Variants in RMDN2 observed in about 807,000 individuals in gnomAD.
RMDN2 encodes the protein regulator of microtubule dynamics protein 2.
A neutral mutation model predicts 52.8 loss-of-function variants in RMDN2; 61 were observed. The observed-to-expected ratio is 1.16, with a 90% CI of 0.94 to 1.43. The LOEUF (loss-of-function observed/expected upper bound fraction) is 1.43. RMDN2 is among the 40% of genes most tolerant of loss of function. RMDN2 has a pLI of 0.00. For synonymous variants in RMDN2, 180 were observed against 153.1 expected (o/e 1.18, Z -1.30); for missense variants, 592 against 475.3 (o/e 1.25, Z -2.28).
intron 5 of RMDN2, among the ~76,000 whole-genome samples, chr2:37,986,725 T>C (rs1338991685): frequency 2.0e-5 from 3 of 152,062 alleles, no homozygotes; most frequent in African/African-American, 4.8e-5. Context: ...TGACAAAATC[T>C]AACACTCATT....
chr2:37,961,984 A>T (rs912063559), intron 2 of RMDN2, among the ~76,000 whole-genome samples: 4 of 152,116 alleles, frequency 2.6e-5, no homozygotes, highest in Non-Finnish European at 5.9e-5. Flanking sequence ...CTGGGAGTCC[A>T]CTCCAAACAC....
chr2:38,062,795 G>A (rs1682110669), intron 10 of RMDN2, among the ~76,000 whole-genome samples: 2 of 126,718 alleles, frequency 1.6e-5, no homozygotes, highest in Admixed American at 2.1e-4. Context: ...AGTCCCCAGT[G>A]TGTGATGTTC....
At chr2:37,968,613 G>C (rs188861712) in intron 2 of RMDN2, among the ~76,000 whole-genome samples, 114 of 152,224 alleles carry the variant, frequency 7.5e-4, no homozygotes, top group African/African-American at 2.6e-3. Context: ...TCTGCTTTCA[G>C]AGATGCTGTT....
intron 10 of RMDN2, among the ~76,000 whole-genome samples, chr2:38,057,465 T>C (rs553451432): frequency 3.3e-5 from 5 of 152,352 alleles, no homozygotes; most frequent in South Asian, 2.1e-4. Flanking sequence ...TCACAAGCTA[T>C]GGAAAATGGG....
At chr2:37,950,920 A>G (rs1050764665) in intron 2 of RMDN2, among the ~76,000 whole-genome samples, 2 of 151,970 alleles carry the variant, frequency 1.3e-5, no homozygotes, top group Non-Finnish European at 2.9e-5. Context: ...GTATCCTTGC[A>G]TATGTTTCCC....
chr2:38,033,473 A>G (rs1231510937), intron 10 of RMDN2, among the ~76,000 whole-genome samples: 1 of 152,232 alleles, frequency 6.6e-6, no homozygotes, highest in Non-Finnish European at 1.5e-5. Context: ...CTATACTTAA[A>G]GAAACTCCTA....
At chr2:37,921,117 C>T (rs1441570826), upstream of RMDN2, among the ~76,000 whole-genome samples, 1 of 152,092 alleles carries the variant, frequency 6.6e-6, no homozygotes, top group South Asian at 2.1e-4. Flanking sequence ...ACATAAATAT[C>T]GTTGTTAATT....
At chr2:37,922,517 C>T (rs562144308), upstream of RMDN2, among the ~76,000 whole-genome samples, 45 of 151,956 alleles carry the variant, frequency 3.0e-4, no homozygotes, top group Non-Finnish European at 6.0e-4. Flanking sequence ...ATACTACTTT[C>T]AAATAGTTAT....
chr2:37,991,471 A>G (rs546076913), intron 7 of RMDN2, among the ~76,000 whole-genome samples, 174 bp downstream of exon 7: 2 of 152,040 alleles, frequency 1.3e-5, no homozygotes, highest in African/African-American at 2.4e-5. Context: ...ATCTGAATTT[A>G]TAATTTATAC....
chr2:37,938,158 G>GTTTTT, intron 2 of RMDN2, among the ~76,000 whole-genome samples: 1 of 152,268 alleles, frequency 6.6e-6, no homozygotes, highest in East Asian at 1.9e-4. Context: ...ATAATCGTGT[G>GTTTTT]TTTTTTGTTG....
intron 10 of RMDN2, 50 bp downstream of exon 10, chr2:38,004,266 G>C: frequency 7.8e-7 from 1 of 1,288,104 alleles, no homozygotes; most frequent in Non-Finnish European, 1.1e-6. Flanking sequence ...AGTACTATTC[G>C]AGCTCAAAAC....
Position 37,984,545 on chromosome 2 carries a change from C to G in RMDN2, c.791+3202C>G, listed in dbSNP as rs565162809. On this transcript the variant is annotated intron_variant, in intron 5 of 10. Transcript: ENST00000354545. The stretch of plus-strand genomic sequence containing the variant: ...CAAGTGGAAAAACAGAAACTAGAAC[C>G]CAGTTTTGTATTCTTATATGCCTAG... 1.8e-4 allele frequency among the ~76,000 whole-genome samples: 28 copies of G among 152,188 alleles called. No individual in the cohort carries two copies. The South Asian group carries it at 1.9e-3, about 10-fold the overall frequency.
chr2:37,989,602 G>A lies in RMDN2; in HGVS notation c.853G>A (p.Gly285Arg). Residue 285 changes from glycine (G) to arginine (R), a missense_variant, in exon 6 of 11, where the codon GGG (glycine) becomes AGG (arginine). By Grantham distance (125) the Gly-to-Arg change is moderately radical. Transcript: ENST00000354545. The part of the protein sequence containing the change: ...FEGLQNKINY[G>R]HLFKEHLDIA... ...GGGTTTACAAAACAAAATCAACTAT[G>A]GGCACCTCTTCAAGGTATTTCTTTT... 6.2e-7 allele frequency: 1 copy of A among 1,607,460 alleles called. No individual in the cohort carries two copies. The highest frequency in any genetic ancestry group is 8.5e-7 in the Non-Finnish European group (1 of 1,176,018).
chr2:38,020,255 G>A (rs1403271028), downstream of RMDN2, among the ~76,000 whole-genome samples: 1 of 152,140 alleles, frequency 6.6e-6, no homozygotes, highest in Non-Finnish European at 1.5e-5. Flanking sequence ...ACCAGTGGGA[G>A]CCCTGAACTT....
chr2:38,043,711 CTAAGT>C (rs1681102163), intron 10 of RMDN2, among the ~76,000 whole-genome samples: 1 of 152,030 alleles, frequency 6.6e-6, no homozygotes, highest in African/African-American at 2.4e-5. Flanking sequence ...TGCAAGTAGT[CTAAGT>C]TAACTTTCAA....
At chr2:37,932,458 A>C (rs1343064691) in intron 2 of RMDN2, among the ~76,000 whole-genome samples, 1 of 150,210 alleles carries the variant, frequency 6.7e-6, no homozygotes, top group Non-Finnish European at 1.5e-5. Flanking sequence ...TCCCATGTCT[A>C]CCTCTTTCTA....
chr2:37,932,130 C>T (rs993471123), intron 2 of RMDN2, among the ~76,000 whole-genome samples: 4 of 151,662 alleles, frequency 2.6e-5, no homozygotes, highest in Non-Finnish European at 5.9e-5. Flanking sequence ...GGCAGGGTCA[C>T]AGGACAGTAG....
At position 37,978,507 on chromosome 2, in the gene RMDN2, C is replaced by T. The variant is rs77596116; in HGVS notation, c.731-2776C>T. On this transcript the variant is annotated intron_variant, in intron 4 of 10. Transcript: ENST00000354545. ...TCAAATAATCATACATATACAAAAA[C>T]GAATGGAAATAAGCTCTTATTAAAG... Among the ~76,000 whole-genome samples, 141 of 152,086 alleles carry T rather than the reference C, an allele frequency of 9.3e-4. 1 individual carries two copies. In the East Asian group the frequency reaches 0.022, roughly 24 times the overall value.
chr2:37,924,971 G>A (rs766613365), upstream of RMDN2, among the ~76,000 whole-genome samples: 1 of 152,244 alleles, frequency 6.6e-6, no homozygotes, highest in Non-Finnish European at 1.5e-5. Context: ...CTAGGGGAGA[G>A]GGAGTGGGTT....
Sources: gnomAD v4.1 joint callset for allele counts (sites outside exome capture counted in the v4.1 genomes callset) on GRCh38, gnomAD v4.1.1 for gene constraint, MANE v1.5 for transcripts, NCBI Gene and HGNC (gene_info 2026-07-23, HGNC 2026-07-21) for gene names.